Variants in SLC26A7 observed in about 807,000 individuals in gnomAD.
SLC26A7 encodes solute carrier family 26 member 7.
SLC26A7 carries 59 observed loss-of-function variants against 82.5 expected under a neutral mutation model. The ratio of observed to expected loss-of-function variants is 0.72; its 90% confidence interval spans 0.58 to 0.89. The LOEUF (loss-of-function observed/expected upper bound fraction) is 0.89, where lower values mean the gene tolerates loss of function less well. Among genes scored for constraint, SLC26A7 ranks in the 40% least tolerant of loss-of-function variants. SLC26A7 has a pLI of 0.00. For missense variants in SLC26A7, 820 were observed against 793.0 expected (o/e 1.03, Z -0.41); for synonymous variants, 271 against 274.3 (o/e 0.99, Z 0.12).
At chr8:91,229,953 C>A (rs185609944) in intron 2 of SLC26A7, among the ~76,000 whole-genome samples, 29 of 152,248 alleles carry the variant, frequency 1.9e-4, no homozygotes, top group African/African-American at 7.0e-4. Context: ...CTGGTAAATT[C>A]CATGCTGCCC....
At chr8:91,386,623 A>G (rs1040629884) in intron 15 of SLC26A7, among the ~76,000 whole-genome samples, 1 of 152,192 alleles carries the variant, frequency 6.6e-6, no homozygotes, top group Non-Finnish European at 1.5e-5. Context: ...TAATAAGAGT[A>G]CCCACGTTTA....
intron 3 of SLC26A7, 126 bp from the exon 4 acceptor site, chr8:91,295,405 G>A: frequency 3.9e-6 from 4 of 1,035,112 alleles, no homozygotes; most frequent in South Asian, 1.8e-5. Flanking sequence ...AGGCCACAGA[G>A]GAGGGGACAG....
At chr8:91,218,928 C>T in exon 2 of SLC26A7, 1 of 1,550,728 alleles carries the variant, frequency 6.4e-7, no homozygotes, top group Non-Finnish European at 8.7e-7. Context: ...TGGTGCCTCT[C>T]CAAGTATTAA....
At chr8:91,222,066 T>C (rs559039112) in intron 2 of SLC26A7, among the ~76,000 whole-genome samples, 3 of 152,306 alleles carry the variant, frequency 2.0e-5, no homozygotes, top group Non-Finnish European at 2.9e-5. Flanking sequence ...GGTTTGTAGT[T>C]CTCCTTGAAG....
At chr8:91,317,939 GATAT>G (rs35028681) in intron 4 of SLC26A7, among the ~76,000 whole-genome samples, 2,376 of 140,442 alleles carry the variant, frequency 0.017, 57 homozygotes, top group African/African-American at 0.048. Flanking sequence ...ACTATAATAA[GATAT>G]ATATATATAT....
At chr8:91,340,239 T>A (rs1813363999) in intron 7 of SLC26A7, among the ~76,000 whole-genome samples, 165 bp from the exon 8 acceptor site, 1 of 152,212 alleles carries the variant, frequency 6.6e-6, no homozygotes, top group South Asian at 2.1e-4. Context: ...TGCTAAATAA[T>A]GTTGAAAACG....
At chr8:91,276,380 CA>C (rs1298881542) in intron 2 of SLC26A7, among the ~76,000 whole-genome samples, 3 of 152,240 alleles carry the variant, frequency 2.0e-5, no homozygotes, top group Non-Finnish European at 4.4e-5. Flanking sequence ...ATTCATTTGA[CA>C]TTTTTTTACT....
chr8:91,322,313 T>C (rs575468641), intron 5 of SLC26A7, among the ~76,000 whole-genome samples: 2 of 152,288 alleles, frequency 1.3e-5, no homozygotes, highest in African/African-American at 4.8e-5. Context: ...TCAGCAGTTA[T>C]AAACCCATTT....
intron 11 of SLC26A7, among the ~76,000 whole-genome samples, chr8:91,354,792 G>A (rs1480665350): frequency 6.6e-6 from 1 of 152,062 alleles, no homozygotes; most frequent in African/African-American, 2.4e-5. Context: ...CAGTTGGAAT[G>A]ACTTCTGAGT....
chr8:91,343,357 T>G lies in SLC26A7; in HGVS notation c.1031T>G (p.Phe344Cys). Residue 344 changes from phenylalanine to cysteine, a missense_variant, in exon 9 of 19, where the codon TTT (phenylalanine) becomes TGT (cysteine). By Grantham distance (205) the Phe-to-Cys change is radical (BLOSUM62 -2). Coordinates refer to ENST00000276609, the MANE Select transcript of SLC26A7 (RefSeq NM_052832.4). ...ATTCTCTCATGAATCTTGCAGGAAT[T>G]TTTGGCCCATGGCCTCAGCAATATA... ...FKYSIDDNQE[F>C]LAHGLSNIVS... The G allele has an allele frequency of 6.2e-7, 1 of 1,601,556 alleles. No homozygotes were observed. Among genetic ancestry groups the G allele is most frequent in the Non-Finnish European group, 8.5e-7 (1 of 1,172,410 alleles).
intron 2 of SLC26A7, among the ~76,000 whole-genome samples, chr8:91,274,186 T>C (rs1811345779): frequency 6.6e-6 from 1 of 152,214 alleles, no homozygotes. Flanking sequence ...AATGCTATTA[T>C]TGTAACCTTA....
At chr8:91,234,886 T>TTCTCTC (rs368880426) in intron 2 of SLC26A7, among the ~76,000 whole-genome samples, 12 of 144,150 alleles carry the variant, frequency 8.3e-5, no homozygotes, top group East Asian at 6.1e-4. Flanking sequence ...CCTCCTTCCT[T>TTCTCTC]TCTCTCTCTC....
At chr8:91,339,992 A>G (rs1295357306) in intron 7 of SLC26A7, among the ~76,000 whole-genome samples, 1 of 152,202 alleles carries the variant, frequency 6.6e-6, no homozygotes, top group Non-Finnish European at 1.5e-5. Context: ...GCTCACAGTA[A>G]ACCAGTGTTT....
intron 2 of SLC26A7, among the ~76,000 whole-genome samples, chr8:91,253,813 A>C (rs1810726740): frequency 6.6e-6 from 1 of 152,126 alleles, no homozygotes; most frequent in African/African-American, 2.4e-5. Context: ...AAGCTCTGGA[A>C]ACAAGACAAT....
chr8:91,389,499 C>A, intron 16 of SLC26A7, 61 bp downstream of exon 16: 1 of 1,143,176 alleles, frequency 8.7e-7, no homozygotes, highest in Non-Finnish European at 1.3e-6. Flanking sequence ...CAGGGGTTTT[C>A]ACCACCTTCT....
intron 2 of SLC26A7, among the ~76,000 whole-genome samples, chr8:91,228,943 A>C (rs949457957): frequency 6.6e-6 from 1 of 152,228 alleles, no homozygotes; most frequent in Non-Finnish European, 1.5e-5. Context: ...TTTTCATTTT[A>C]TGTTTCTAAG....
chr8:91,295,476 T>A, intron 3 of SLC26A7, 55 bp from the exon 4 acceptor site: 5 of 1,559,870 alleles, frequency 3.2e-6, no homozygotes, highest in Non-Finnish European at 4.3e-6. Flanking sequence ...ACAATTTTTA[T>A]TGAGCCTTTA....
At chr8:91,279,705 G>C (rs539011198) in intron 2 of SLC26A7, among the ~76,000 whole-genome samples, 1 of 151,886 alleles carries the variant, frequency 6.6e-6, no homozygotes, top group East Asian at 1.9e-4. Context: ...GACTATAGGC[G>C]TCCACCACCA....
At chr8:91,274,389 A>G (rs912528165) in intron 2 of SLC26A7, among the ~76,000 whole-genome samples, 3 of 152,226 alleles carry the variant, frequency 2.0e-5, no homozygotes, top group Non-Finnish European at 4.4e-5. Context: ...GGGAAGTCCA[A>G]GTCTGAACAG....
Sources: gnomAD v4.1 joint callset for allele counts (sites outside exome capture counted in the v4.1 genomes callset) on GRCh38, gnomAD v4.1.1 for gene constraint, MANE v1.5 for transcripts, NCBI Gene and HGNC (gene_info 2026-07-23, HGNC 2026-07-21) for gene names.